CCDC74B: variants seen among roughly 807,000 people sequenced by gnomAD.
CCDC74B encodes coiled-coil domain containing 74B.
A neutral mutation model predicts 38.0 loss-of-function variants in CCDC74B; 34 were observed. The ratio of observed to expected loss-of-function variants is 0.89; its 90% CI spans 0.68 to 1.19. The LOEUF (loss-of-function observed/expected upper bound fraction) is 1.19. Among genes scored for constraint, CCDC74B ranks in the 50% most tolerant of loss-of-function variants. CCDC74B has a pLI of 0.00. For missense variants in CCDC74B, 358 were observed against 406.0 expected, an observed-to-expected ratio of 0.88 and a Z score of 1.02; for synonymous variants, 132 against 170.4, an observed-to-expected ratio of 0.77 and a Z score of 1.76.
rs893918797 is a variant in CCDC74B at position 130,141,956 on chromosome 2, C to CG, written c.346+176_346+177insC. On this transcript the variant is annotated intron_variant, in intron 3 of 7. Transcript: ENST00000409943. ...CTGGTCCCTGGTCCTGCCCACCCCC[C>CG]CTTAATCCCCTCCCGGTGGCTTCAG... 1.2e-4 allele frequency: 89 copies of CG among 741,510 alleles called. 2 individuals are homozygous for CG. The South Asian group carries it at 1.5e-3, about 13-fold the overall frequency. 45.9% of individuals were successfully genotyped at this position (741,510 alleles called of 1,614,324 possible).
In CCDC74B at chr2:130,142,184, C is replaced by G. The variant is rs1573635860; in HGVS notation, c.296-1G>C. 12 of 1,613,416 alleles carry G rather than the reference C, an allele frequency of 7.4e-6. No homozygotes were observed. The highest frequency in any genetic ancestry group is 3.3e-5 in the Admixed American group (2 of 59,988). Reference sequence around the variant, plus strand: ...TGGAAGCTTGACGTGGAGAGGCTGTCTGCAGGAGAGCGCACAGTGTCGGCG... The same window carrying G: ...TGGAAGCTTGACGTGGAGAGGCTGTGTGCAGGAGAGCGCACAGTGTCGGCG... On this transcript the variant is annotated splice_acceptor_variant, in intron 2 of 7. Transcript: ENST00000409943. LOFTEE classifies it high-confidence loss of function.
chr2:130,142,855 C>T, intron 2 of CCDC74B: 1 of 1,550,356 alleles, frequency 6.5e-7, no homozygotes, highest in Non-Finnish European at 8.7e-7. Flanking sequence ...GGAGTGTGTC[C>T]AGAGCCCCTG....
chr2:130,143,048 C>T (rs938474830), intron 2 of CCDC74B: 1 of 1,489,598 alleles, frequency 6.7e-7, no homozygotes, highest in African/African-American at 1.4e-5. Context: ...CTGCAATGAC[C>T]TCAGGCCCTG....
intron 1 of CCDC74B, 189 bp downstream of exon 1, chr2:130,144,558 C>A (rs1378725592): frequency 1.3e-6 from 2 of 1,550,382 alleles, no homozygotes. Context: ...CGGCACTGCC[C>A]GGGGGCCACG....
intron 4 of CCDC74B, 114 bp downstream of exon 4, chr2:130,141,044 G>C (rs1325898585): frequency 9.8e-6 from 15 of 1,538,406 alleles, no homozygotes; most frequent in Non-Finnish European, 1.3e-5. Flanking sequence ...GCTAGGGGCA[G>C]AGCAGTTGGC....
At chr2:130,144,119 C>T (rs1355373962) in intron 1 of CCDC74B, among the ~76,000 whole-genome samples, 1 of 152,136 alleles carries the variant, frequency 6.6e-6, no homozygotes, top group Non-Finnish European at 1.5e-5. Context: ...GGCACGTTTC[C>T]CTGCATAAAG....
Position 130,140,286 on chromosome 2 carries a change from G to A in CCDC74B, c.571C>T (p.His191Tyr), listed in dbSNP as rs147771445. 1.2e-3 allele frequency: 1,938 copies of A among 1,613,222 alleles called. 4 individuals carry two copies. Among genetic ancestry groups the A allele is most frequent in the Non-Finnish European group, 1.4e-3 (1,678 of 1,179,620 alleles). ...GGAAGGGGCAGGATCATTGGGGGGT[G>A]TGCCGCCGCCCCCATCTGCCTGCCC... ...HQGRQMGAAA[H>Y]PPMILPLPLR... Residue 191 changes from histidine (H) to tyrosine (Y), a missense_variant, in exon 5 of 8, where the codon CAC (histidine) becomes TAC (tyrosine). His to Tyr is a moderately conservative substitution (Grantham distance 83). Transcript: ENST00000409943.
At position 130,140,011 on chromosome 2, in the gene CCDC74B, C is replaced by G; in HGVS notation, c.752+12G>C. The G allele has an allele frequency of 6.2e-7, 1 of 1,602,860 alleles. No individual in the cohort carries two copies. Among genetic ancestry groups the G allele is most frequent in the Non-Finnish European group, 8.5e-7 (1 of 1,174,910 alleles). The stretch of plus-strand genomic sequence containing the variant: ...CCCCCAGGGATGGGGCAGGGGTGCA[C>G]CAGGCACTCACCTGGGAAAGCTAGC... On this transcript the variant is annotated intron_variant, in intron 6 of 7. Transcript: ENST00000409943.
intron 4 of CCDC74B, chr2:130,140,724 C>T (rs553951417): frequency 1.2e-4 from 52 of 416,614 alleles, no homozygotes; most frequent in South Asian, 8.0e-4. Flanking sequence ...TGAAAGTGTG[C>T]GCTCTGTAGC....
chr2:130,139,343 T>C lies in CCDC74B; in HGVS notation c.*212A>G, dbSNP rs1685431638. The C allele has an allele frequency of 4.9e-6, 3 of 615,112 alleles. No homozygotes were observed. The African/African-American group carries it at 5.5e-5, about 11-fold the overall frequency. 38.1% of individuals were successfully genotyped at this position (615,112 alleles called of 1,614,324 possible). On this transcript the variant is annotated 3_prime_UTR_variant, in exon 8 of 8. Transcript: ENST00000409943. ...AACAGGTAAGGCGATACCTGCTTCATCGTGTGCTTTTATGTAAATGCCAAA... is the reference window on the plus strand; with the variant it reads ...AACAGGTAAGGCGATACCTGCTTCACCGTGTGCTTTTATGTAAATGCCAAA...
chr2:130,142,282 G>A (rs1685696543), intron 2 of CCDC74B, 99 bp from the exon 3 acceptor site: 2 of 1,604,684 alleles, frequency 1.2e-6, no homozygotes, highest in Admixed American at 1.7e-5. Context: ...CAGCCTGGCA[G>A]GGCTGGGTCC....
intron 2 of CCDC74B, chr2:130,142,596 C>G: frequency 6.5e-7 from 1 of 1,547,208 alleles, no homozygotes; most frequent in Non-Finnish European, 8.7e-7. Flanking sequence ...AAGGGAGAGC[C>G]CTAGGCACTG....
chr2:130,139,384 T>C lies in CCDC74B; in HGVS notation c.*171A>G, dbSNP rs1459983841. ...AAATGCCAAATAGCAAAATAACAGCTAGAAAATAAACAGTTTGTCAGTTTG... is the reference window on the plus strand; with the variant it reads ...AAATGCCAAATAGCAAAATAACAGCCAGAAAATAAACAGTTTGTCAGTTTG... On this transcript the variant is annotated 3_prime_UTR_variant, in exon 8 of 8. Coordinates refer to ENST00000409943, the MANE Select transcript of CCDC74B (RefSeq NM_001258307.2). 2 of 828,600 alleles carry C rather than the reference T, an allele frequency of 2.4e-6. No individual in the cohort carries two copies. Among genetic ancestry groups the C allele is most frequent in the Non-Finnish European group, 3.7e-6 (2 of 540,240 alleles). 51.3% of individuals were successfully genotyped at this position (828,600 alleles called of 1,614,324 possible).
Position 130,143,315 on chromosome 2 carries a change from T to C in CCDC74B, c.251-2A>G. 1 of 1,613,998 alleles carries C rather than the reference T, an allele frequency of 6.2e-7. No homozygotes were observed. The highest frequency in any genetic ancestry group is 8.5e-7 in the Non-Finnish European group (1 of 1,179,860). On this transcript the variant is annotated splice_acceptor_variant, in intron 1 of 7. Coordinates refer to ENST00000409943, the MANE Select transcript of CCDC74B (RefSeq NM_001258307.2). LOFTEE classifies it high-confidence loss of function. ...TCATTATGAGCTTGTAACGGAGATC[T>C]GAAAGCAAGCACACGCTCTCCTCAG...
rs556340293 is a variant in CCDC74B at position 130,144,626 on chromosome 2, T to G, written c.250+121A>C. On this transcript the variant is annotated intron_variant, in intron 1 of 7. Transcript: ENST00000409943. ...GCGTGGCAGGGCGGGCTTACCGTCC[T>G]GTGTTCCCCCTGAGCCCAGGCGTGT... The G allele has an allele frequency of 3.0e-4, 458 of 1,544,370 alleles. 1 individual carries two copies. In the African/African-American group the frequency reaches 5.9e-3, roughly 20 times the overall value.
chr2:130,140,152 G>A, intron 5 of CCDC74B, 27 bp downstream of exon 5: 8 of 1,611,946 alleles, frequency 5.0e-6, no homozygotes, highest in Non-Finnish European at 6.8e-6. Context: ...GACTGCCCAG[G>A]GCCACCCCCA....
At chr2:130,143,710 C>T (rs1685825099) in intron 1 of CCDC74B, among the ~76,000 whole-genome samples, 1 of 151,986 alleles carries the variant, frequency 6.6e-6, no homozygotes, top group Non-Finnish European at 1.5e-5. Context: ...CGTCCTGAGG[C>T]TCAAGAAGAC....
intron 3 of CCDC74B, 30 bp downstream of exon 3, chr2:130,142,103 C>T (rs775836110): frequency 6.2e-7 from 1 of 1,607,782 alleles, no homozygotes; most frequent in African/African-American, 1.3e-5. Flanking sequence ...GCACTCACCC[C>T]TGTGAGCACA....
In CCDC74B at chr2:130,145,017, T is replaced by C. The variant is rs1374723828; in HGVS notation, c.-21A>G. On this transcript the variant is annotated 5_prime_UTR_variant, in exon 1 of 8. Coordinates refer to ENST00000409943, the MANE Select transcript of CCDC74B (RefSeq NM_001258307.2). Reference sequence around the variant, plus strand: ...CTCATATCGCCATCGCCAGGTACTCTCCCGCTGCCACTGCACCCCGGCTCA... The same window carrying C: ...CTCATATCGCCATCGCCAGGTACTCCCCCGCTGCCACTGCACCCCGGCTCA... 1.8e-5 allele frequency: 25 copies of C among 1,418,580 alleles called. No homozygotes were observed. The highest frequency in any genetic ancestry group is 3.0e-5 in the African/African-American group (2 of 66,614). The allele number at this position is 1,418,580 out of a possible 1,614,324, so 87.9% of individuals were successfully genotyped here. A position where few individuals can be genotyped will look rare whatever the true frequency, so the allele number is the denominator to read the frequency against.
Sources: gnomAD v4.1 joint callset for allele counts (sites outside exome capture counted in the v4.1 genomes callset) on GRCh38, gnomAD v4.1.1 for gene constraint, MANE v1.5 for transcripts, NCBI Gene and HGNC (gene_info 2026-07-23, HGNC 2026-07-21) for gene names.